The following SMARCAD1 variants were observed in gnomAD, a reference collection of about 807,000 sequenced individuals.
SMARCAD1 encodes SWI/SNF-related matrix-associated actin-dependent regulator of chromatin subfamily A containing DEAD/H box 1.
SMARCAD1 carries 25 observed loss-of-function variants against 127.1 expected under a neutral mutation model. The ratio of observed to expected loss-of-function variants is 0.20; its 90% CI spans 0.14 to 0.27. The LOEUF (loss-of-function observed/expected upper bound fraction) is 0.27. Among genes scored for constraint, SMARCAD1 ranks in the 10% least tolerant of loss-of-function variants. The pLI is 1.00. For missense variants in SMARCAD1, 807 were observed against 1,206.0 expected, an observed-to-expected ratio of 0.67 and a Z score of 4.90; for synonymous variants, 400 against 396.9, an observed-to-expected ratio of 1.01 and a Z score of -0.09.
At chr4:94,224,078 T>C (rs1468312031) in intron 2 of SMARCAD1, among the ~76,000 whole-genome samples, 2 of 152,184 alleles carry the variant, frequency 1.3e-5, no homozygotes, top group Non-Finnish European at 2.9e-5. Context: ...TATAGGAGTT[T>C]GGACTGTTTT....
chr4:94,216,514 A>C (rs915169110), intron 2 of SMARCAD1, among the ~76,000 whole-genome samples: 2 of 152,194 alleles, frequency 1.3e-5, no homozygotes, highest in South Asian at 4.1e-4. Context: ...TGTACAGTTC[A>C]GTACATTCAG....
intron 9 of SMARCAD1, chr4:94,253,797 A>T: frequency 3.0e-6 from 2 of 668,962 alleles, no homozygotes; most frequent in Non-Finnish European, 3.7e-6. Flanking sequence ...ACAGATAAAT[A>T]TAAGAACTCT....
intron 6 of SMARCAD1, among the ~76,000 whole-genome samples, chr4:94,242,897 C>G (rs1747814036): frequency 6.6e-6 from 1 of 152,142 alleles, no homozygotes; most frequent in Non-Finnish European, 1.5e-5. Flanking sequence ...GCCTGGGTGA[C>G]ACAGTGAGAC....
At chr4:94,224,193 A>G (rs1231866975) in intron 2 of SMARCAD1, among the ~76,000 whole-genome samples, 4 of 152,108 alleles carry the variant, frequency 2.6e-5, no homozygotes, top group East Asian at 1.9e-4. Flanking sequence ...CTTGCATGCA[A>G]TGTTTATAAA....
Position 94,276,354 on chromosome 4 carries a change from C to T in SMARCAD1, c.1824C>T (p.Ile608=). 5 of 1,614,092 alleles carry T rather than the reference C, an allele frequency of 3.1e-6. 1 individual carries two copies. In the South Asian group the frequency reaches 4.4e-5, roughly 14 times the overall value. Residue 608 remains isoleucine, a synonymous_variant, in exon 15 of 24, where the codon ATC becomes ATT. Transcript: ENST00000354268. The part of the protein sequence containing the change: ...NVIVTTYNCA[I]SSSDDRSLFR... ...TTGGTGACAGATATAACTGTGCGAT[C>T]AGCAGTTCTGATGACCGTAGTCTGT...
At chr4:94,223,417 C>T (rs1338767880) in intron 2 of SMARCAD1, among the ~76,000 whole-genome samples, 1 of 151,966 alleles carries the variant, frequency 6.6e-6, no homozygotes, top group African/African-American at 2.4e-5. Flanking sequence ...CACTGGAGCC[C>T]AGGAGGCGGA....
chr4:94,271,370 G>A (rs1369226181), intron 11 of SMARCAD1, among the ~76,000 whole-genome samples: 2 of 152,134 alleles, frequency 1.3e-5, no homozygotes, highest in East Asian at 3.9e-4. Flanking sequence ...AGTTCACAAA[G>A]TTTGTTATAG....
rs533506543 is a variant in SMARCAD1, at chr4:94,272,198, T to C, written c.1572+1380T>C. On this transcript the variant is annotated intron_variant, in intron 11 of 23. Coordinates refer to ENST00000354268, the MANE Select transcript of SMARCAD1 (RefSeq NM_020159.5). The stretch of plus-strand genomic sequence containing the variant: ...ATATTGGGTTCAGGCCCCACACTTA[T>C]GAACTCATTTAGCCTTAATTTCCTC... Among the ~76,000 whole-genome samples the C allele has an allele frequency of 5.3e-5, 8 of 152,318 alleles. No homozygotes were observed. In the East Asian group the frequency reaches 5.8e-4, roughly 11 times the overall value.
intron 10 of SMARCAD1, among the ~76,000 whole-genome samples, chr4:94,266,868 A>G (rs1751801508): frequency 1.3e-5 from 2 of 152,308 alleles, no homozygotes; most frequent in East Asian, 3.9e-4. Flanking sequence ...GTGAAAAATG[A>G]CATCTTTATA....
chr4:94,238,396 G>A (rs1432020069), intron 5 of SMARCAD1, among the ~76,000 whole-genome samples: 2 of 152,134 alleles, frequency 1.3e-5, no homozygotes, highest in African/African-American at 2.4e-5. Context: ...AACTAATAAT[G>A]TATACTACTT....
intron 4 of SMARCAD1, 59 bp from the exon 5 acceptor site, chr4:94,236,893 T>C (rs1364181536): frequency 7.7e-7 from 1 of 1,298,906 alleles, no homozygotes; most frequent in East Asian, 2.3e-5. Context: ...AATATTTCAG[T>C]AACTGAAATA....
intron 5 of SMARCAD1, among the ~76,000 whole-genome samples, chr4:94,238,933 T>C (rs1747137584): frequency 6.8e-6 from 1 of 146,250 alleles, no homozygotes; most frequent in South Asian, 2.2e-4. Flanking sequence ...GAGGAAACAG[T>C]GGATACAACC....
At chr4:94,229,075 A>T (rs1379004849) in intron 3 of SMARCAD1, among the ~76,000 whole-genome samples, 1 of 151,984 alleles carries the variant, frequency 6.6e-6, no homozygotes, top group Non-Finnish European at 1.5e-5. Flanking sequence ...TTGTCCCATT[A>T]TTGTTGAACT....
chr4:94,257,582 C>T (rs1393293892), intron 9 of SMARCAD1, among the ~76,000 whole-genome samples: 2 of 152,064 alleles, frequency 1.3e-5, no homozygotes, highest in Non-Finnish European at 2.9e-5. Flanking sequence ...CCTCTTTCCC[C>T]ATCCCCAAAT....
At chr4:94,269,812 G>A (rs577485823) in intron 10 of SMARCAD1, among the ~76,000 whole-genome samples, 6 of 152,100 alleles carry the variant, frequency 3.9e-5, no homozygotes, top group South Asian at 4.2e-4. Flanking sequence ...GGGACTACAA[G>A]CATACGTCAC....
intron 2 of SMARCAD1, among the ~76,000 whole-genome samples, chr4:94,220,198 G>A (rs967024457): frequency 5.3e-5 from 8 of 152,038 alleles, no homozygotes; most frequent in African/African-American, 1.9e-4. Flanking sequence ...TCTGATTATT[G>A]ACTATACCAG....
chr4:94,274,371 G>T (rs1252655107), intron 12 of SMARCAD1, among the ~76,000 whole-genome samples: 4 of 152,014 alleles, frequency 2.6e-5, no homozygotes, highest in African/African-American at 9.7e-5. Flanking sequence ...TGTCACCCAG[G>T]CTGGAGTGTG....
intron 2 of SMARCAD1, among the ~76,000 whole-genome samples, chr4:94,225,415 G>A (rs1744838525): frequency 6.6e-6 from 1 of 151,986 alleles, no homozygotes; most frequent in Non-Finnish European, 1.5e-5. Context: ...CCATCCTGTA[G>A]GCCTCATTTT....
chr4:94,212,975 G>T, intron 2 of SMARCAD1: 1 of 876,234 alleles, frequency 1.1e-6, no homozygotes, highest in South Asian at 1.4e-5. Context: ...GCCCAAAGTT[G>T]TCAATGATTG....
Sources: gnomAD v4.1 joint callset for allele counts (sites outside exome capture counted in the v4.1 genomes callset) on GRCh38, gnomAD v4.1.1 for gene constraint, MANE v1.5 for transcripts, NCBI Gene and HGNC (gene_info 2026-07-23, HGNC 2026-07-21) for gene names.